Variants in PDSS2 observed in about 807,000 individuals in gnomAD.
PDSS2 encodes the protein decaprenyl diphosphate synthase subunit 2.
A neutral mutation model predicts 44.5 loss-of-function variants in PDSS2; 31 were observed. The observed-to-expected ratio is 0.70, with a 90% CI of 0.52 to 0.94. The LOEUF (loss-of-function observed/expected upper bound fraction) is 0.94. Ranked by LOEUF, PDSS2 falls within the 40% of genes least tolerant of loss-of-function variation. The pLI is 0.00. For missense variants in PDSS2, 452 were observed against 482.2 expected, an observed-to-expected ratio of 0.94 and a Z score of 0.59; for synonymous variants, 157 against 180.3, an observed-to-expected ratio of 0.87 and a Z score of 1.03.
chr6:107,206,922 T>G (rs1772996329), intron 6 of PDSS2, among the ~76,000 whole-genome samples: 1 of 152,046 alleles, frequency 6.6e-6, no homozygotes, highest in Non-Finnish European at 1.5e-5. Flanking sequence ...TGACAAATAT[T>G]AATTTGGTAA....
At chr6:107,310,753 T>G (rs970830534) in intron 2 of PDSS2, among the ~76,000 whole-genome samples, 2 of 152,172 alleles carry the variant, frequency 1.3e-5, no homozygotes, top group Non-Finnish European at 2.9e-5. Context: ...ATGTGCTCAT[T>G]AATACATTTG....
intron 3 of PDSS2, among the ~76,000 whole-genome samples, chr6:107,255,027 CT>C (rs1774960958): frequency 6.6e-6 from 1 of 151,376 alleles, no homozygotes; most frequent in Non-Finnish European, 1.5e-5. Context: ...CCATGCCCAG[CT>C]AACTTTTGAC....
intron 5 of PDSS2, 56 bp downstream of exon 5, chr6:107,212,053 T>TG: frequency 7.0e-7 from 1 of 1,431,650 alleles, no homozygotes; most frequent in Non-Finnish European, 9.9e-7. Flanking sequence ...AAAGGTTTCT[T>TG]GTGTGTCGTT....
intron 3 of PDSS2, among the ~76,000 whole-genome samples, chr6:107,249,367 C>G (rs543757622): frequency 6.6e-6 from 1 of 152,182 alleles, no homozygotes; most frequent in South Asian, 2.1e-4. Flanking sequence ...AGTTTTAGTT[C>G]AACAACAAAA....
At chr6:107,291,488 C>T (rs1377726160) in intron 2 of PDSS2, among the ~76,000 whole-genome samples, 5 of 150,128 alleles carry the variant, frequency 3.3e-5, no homozygotes, top group Non-Finnish European at 5.9e-5. Context: ...GCTGGGATTA[C>T]AGGTGCGCGC....
At chr6:107,384,366 C>T (rs970835992) in intron 1 of PDSS2, among the ~76,000 whole-genome samples, 3 of 152,032 alleles carry the variant, frequency 2.0e-5, no homozygotes, top group Non-Finnish European at 4.4e-5. Context: ...ACTGGCTGGG[C>T]GCGGTGGCTC....
At chr6:107,342,355 T>C (rs1189753055) in intron 1 of PDSS2, among the ~76,000 whole-genome samples, 1 of 152,152 alleles carries the variant, frequency 6.6e-6, no homozygotes, top group Non-Finnish European at 1.5e-5. Flanking sequence ...CTCTGACTGG[T>C]TCCTCTTCCT....
At position 107,162,925 on chromosome 6, in the gene PDSS2, C is replaced by CTGAA. The variant is rs138317867; in HGVS notation, c.1042-8152_1042-8149dup. Reference sequence around the variant, plus strand: ...CAGCCCCGATAATTCTGGCACAGGGCTGAATTATCTAACATTTAGTCCAGG... The same window carrying CTGAA: ...CAGCCCCGATAATTCTGGCACAGGGCTGAATGAATTATCTAACATTTAGTCCAGG... On this transcript the variant is annotated intron_variant, in intron 7 of 7. Transcript: ENST00000369037. Among the ~76,000 whole-genome samples, 1,436 of 152,256 alleles carry CTGAA rather than the reference C, an allele frequency of 9.4e-3. 28 individuals are homozygous for CTGAA. The highest frequency in any genetic ancestry group is 0.033 in the African/African-American group (1,391 of 41,554).
chr6:107,458,700 T>C (rs1270897894), intron 1 of PDSS2, among the ~76,000 whole-genome samples: 2 of 150,714 alleles, frequency 1.3e-5, no homozygotes, highest in Admixed American at 6.6e-5. Flanking sequence ...ACATCTCCGC[T>C]CGATTTCTCC....
intron 7 of PDSS2, among the ~76,000 whole-genome samples, chr6:107,171,612 G>C (rs1290941005): frequency 1.3e-5 from 2 of 152,006 alleles, no homozygotes; most frequent in Admixed American, 1.3e-4. Flanking sequence ...CCAGCCTCAA[G>C]CAATCTTCCC....
At position 107,334,306 on chromosome 6, in the gene PDSS2, C is replaced by A; in HGVS notation, c.323G>T (p.Ser108Ile). The A allele has an allele frequency of 1.2e-6, 2 of 1,613,562 alleles. No homozygotes were observed. Among genetic ancestry groups the A allele is most frequent in the Non-Finnish European group, 1.7e-6 (2 of 1,179,708 alleles). Reference sequence around the variant, plus strand: ...CACCACCAAGCCCCTCAACTGGAGGCTATTCCAGCTGTCATGTACAAGCCC... The same window carrying A: ...CACCACCAAGCCCCTCAACTGGAGGATATTCCAGCTGTCATGTACAAGCCC... ...ARGLVHDSWN[S>I]LQLRGLVVLL... The change falls in exon 2 of 8, where the codon AGC becomes ATC. Residue 108 changes from serine to isoleucine, a missense_variant. By Grantham distance (142) the Ser-to-Ile change is moderately radical (BLOSUM62 -2). Coordinates refer to ENST00000369037, the MANE Select transcript of PDSS2 (RefSeq NM_020381.4).
chr6:107,274,332 C>CA, intron 2 of PDSS2, 105 bp from the exon 3 acceptor site: 1 of 712,940 alleles, frequency 1.4e-6, no homozygotes, highest in Non-Finnish European at 2.3e-6. Flanking sequence ...TTGCCCCCCA[C>CA]TTTTTTTTTT....
intron 1 of PDSS2, among the ~76,000 whole-genome samples, chr6:107,373,019 C>T (rs1322357726): frequency 2.9e-5 from 4 of 139,052 alleles, no homozygotes; most frequent in African/African-American, 1.1e-4. Context: ...GAGTTTTGCT[C>T]TGTTGCCAGG....
At position 107,193,822 on chromosome 6, in the gene PDSS2, CT is replaced by C; in HGVS notation, c.1040del (p.Lys347SerfsTer12). 1.3e-6 allele frequency: 2 copies of C among 1,549,322 alleles called. No individual in the cohort carries two copies. Among genetic ancestry groups the C allele is most frequent in the Non-Finnish European group, 1.8e-6 (2 of 1,120,952 alleles). ...AQEKGRLDYA[K>X]LRERIKAGKG... ...TACAGTATGTATAAAATCTGCCTAC[CT>C]TAGCATAGTCCAATCTTCCTTTTTC... On this transcript the variant is annotated frameshift_variant and splice_region_variant, in exon 7 of 8. Transcript: ENST00000369037. LOFTEE classifies it high-confidence loss of function.
At chr6:107,260,929 T>C (rs1364415515) in intron 3 of PDSS2, among the ~76,000 whole-genome samples, 1 of 152,186 alleles carries the variant, frequency 6.6e-6, no homozygotes, top group Non-Finnish European at 1.5e-5. Flanking sequence ...CCCAAAGTGC[T>C]GGGATTACAG....
At chr6:107,454,103 A>G (rs924726640) in intron 1 of PDSS2, among the ~76,000 whole-genome samples, 3 of 149,306 alleles carry the variant, frequency 2.0e-5, no homozygotes, top group African/African-American at 7.4e-5. Flanking sequence ...GATGGAGCAC[A>G]GTGGCACGAC....
rs547940053 is a variant in PDSS2, at chr6:107,364,441, G to T, written c.297-30109C>A. 1.2e-4 allele frequency among the ~76,000 whole-genome samples: 18 copies of T among 150,590 alleles called. No homozygotes were observed. In the East Asian group the frequency reaches 2.5e-3, roughly 21 times the overall value. ...AAATCGAGCACAGCGCCAGTGGGCC[G>T]GCACTGCTGGGGGACTCAGTACACC... On this transcript the variant is annotated intron_variant, in intron 1 of 7. Coordinates refer to ENST00000369037, the MANE Select transcript of PDSS2 (RefSeq NM_020381.4).
chr6:107,273,948 G>A (rs751041735), intron 3 of PDSS2, 81 bp downstream of exon 3: 20 of 1,038,210 alleles, frequency 1.9e-5, no homozygotes, highest in Non-Finnish European at 3.0e-5. Context: ...GGGCAGCCGG[G>A]CACACAGACC....
At chr6:107,245,681 G>A in intron 3 of PDSS2, 62 bp from the exon 4 acceptor site, 2 of 1,056,008 alleles carry the variant, frequency 1.9e-6, no homozygotes, top group Non-Finnish European at 2.8e-6. Context: ...TGTTACCTCA[G>A]AATGTTTCAG....
Sources: allele counts gnomAD v4.1 joint callset (sites outside exome capture counted in the v4.1 genomes callset), GRCh38; gene constraint gnomAD v4.1.1; transcripts MANE v1.5; gene names NCBI Gene and HGNC (gene_info 2026-07-23, HGNC 2026-07-21).